The following PSD3 variants were observed in gnomAD, a reference collection of about 807,000 sequenced individuals.
PSD3 encodes the protein PH and SEC7 domain-containing protein 3.
In PSD3, 49 loss-of-function variants were observed where a neutral mutation model predicts 105.5. That is an observed-to-expected ratio of 0.46 (90% CI 0.37 to 0.59). PSD3 has a LOEUF of 0.59. Among genes scored for constraint, PSD3 ranks in the 20% least tolerant of loss-of-function variants. The pLI, the probability that PSD3 is intolerant of heterozygous loss-of-function variation, is 0.00. For synonymous variants in PSD3, 557 were observed against 457.8 expected (o/e 1.22, Z -2.77); for missense variants, 1,561 against 1,263.8 (o/e 1.24, Z -3.57).
chr8:18,730,606 T>G (rs1326778673), intron 9 of PSD3, among the ~76,000 whole-genome samples: 1 of 152,246 alleles, frequency 6.6e-6, no homozygotes, highest in Non-Finnish European at 1.5e-5. Context: ...AAGTATTTAT[T>G]GATCACTTTC....
chr8:18,881,965 T>C (rs946890650), intron 2 of PSD3, among the ~76,000 whole-genome samples: 3 of 152,278 alleles, frequency 2.0e-5, no homozygotes, highest in East Asian at 1.9e-4. Context: ...CCCAACCCTT[T>C]GGGAGCTTGA....
Position 18,996,501 on chromosome 8 carries a change from T to A in PSD3, c.21+17062A>T, listed in dbSNP as rs374272164. Among the ~76,000 whole-genome samples the A allele has an allele frequency of 2.0e-4, 30 of 152,052 alleles. 1 individual carries two copies. In the South Asian group the frequency reaches 6.3e-3, roughly 32 times the overall value. On this transcript the variant is annotated intron_variant, in intron 1 of 15. Coordinates refer to ENST00000327040, the MANE Select transcript of PSD3 (RefSeq NM_015310.4). ...GATAAGGACTTTATGTTGAAAAAAA[T>A]CAACAGCATTAACAAAAATTAGTGT...
At chr8:18,711,719 G>A (rs888751189) in intron 9 of PSD3, among the ~76,000 whole-genome samples, 8 of 152,110 alleles carry the variant, frequency 5.3e-5, no homozygotes, top group Admixed American at 4.6e-4. Flanking sequence ...CAGACAGATC[G>A]TCAAGAGAGA....
At chr8:18,730,800 T>C (rs1187383858) in intron 9 of PSD3, among the ~76,000 whole-genome samples, 1 of 152,096 alleles carries the variant, frequency 6.6e-6, no homozygotes, top group Non-Finnish European at 1.5e-5. Flanking sequence ...TTTTCAGAAA[T>C]TTAAGATATA....
At chr8:18,885,084 C>T (rs1391361888) in intron 2 of PSD3, among the ~76,000 whole-genome samples, 1 of 152,176 alleles carries the variant, frequency 6.6e-6, no homozygotes, top group Non-Finnish European at 1.5e-5. Context: ...GGGTTCTCCA[C>T]TCTTGTCTGC....
intron 10 of PSD3, among the ~76,000 whole-genome samples, chr8:18,646,387 A>T (rs1808035795): frequency 6.6e-6 from 1 of 152,156 alleles, no homozygotes; most frequent in East Asian, 1.9e-4. Flanking sequence ...GTAGTAAGTC[A>T]TTGCAAAAAA....
chr8:19,034,064 T>C (rs946355896), intron 1 of PSD3, among the ~76,000 whole-genome samples: 1 of 152,138 alleles, frequency 6.6e-6, no homozygotes, highest in Non-Finnish European at 1.5e-5. Flanking sequence ...GCCACAGACT[T>C]AGGAAAGCTA....
At chr8:19,031,026 G>T (rs1024591779) in intron 1 of PSD3, among the ~76,000 whole-genome samples, 2 of 152,150 alleles carry the variant, frequency 1.3e-5, no homozygotes, top group Non-Finnish European at 2.9e-5. Flanking sequence ...CAGTCTGATT[G>T]TATCTATGTG....
At chr8:18,974,958 T>C (rs1422980624) in intron 1 of PSD3, among the ~76,000 whole-genome samples, 6 of 152,154 alleles carry the variant, frequency 3.9e-5, no homozygotes, top group South Asian at 2.1e-4. Flanking sequence ...GCAGTTACCA[T>C]GCACTGTTGC....
At chr8:18,691,259 C>T (rs1313783347) in intron 9 of PSD3, among the ~76,000 whole-genome samples, 2 of 152,148 alleles carry the variant, frequency 1.3e-5, no homozygotes, top group South Asian at 2.1e-4. Context: ...ATTTTTTCCC[C>T]CTCATGAACA....
chr8:19,054,105 C>T (rs1236238614), intron 1 of PSD3, among the ~76,000 whole-genome samples: 3 of 152,224 alleles, frequency 2.0e-5, no homozygotes, highest in Non-Finnish European at 4.4e-5. Context: ...AACTCCCCTT[C>T]ATGGGATCCT....
chr8:19,034,132 C>A (rs568198051), intron 1 of PSD3, among the ~76,000 whole-genome samples: 1 of 152,260 alleles, frequency 6.6e-6, no homozygotes, highest in African/African-American at 2.4e-5. Flanking sequence ...GAAAACCTGG[C>A]AGAGACTGGG....
chr8:18,945,468 A>G (rs772054786), intron 1 of PSD3, among the ~76,000 whole-genome samples: 4 of 152,216 alleles, frequency 2.6e-5, no homozygotes, highest in Non-Finnish European at 4.4e-5. Flanking sequence ...GCAAAGAAAC[A>G]GATTATCCTC....
At chr8:18,789,770 AG>A (rs1319152923) in intron 8 of PSD3, among the ~76,000 whole-genome samples, 1 of 152,230 alleles carries the variant, frequency 6.6e-6, no homozygotes, top group East Asian at 1.9e-4. Context: ...AACAAGAGTC[AG>A]GGGTTTCAGC....
intron 1 of PSD3, among the ~76,000 whole-genome samples, chr8:18,970,098 G>A (rs1159879396): frequency 6.6e-6 from 1 of 151,614 alleles, no homozygotes; most frequent in Non-Finnish European, 1.5e-5. Context: ...GGCCAAGTTG[G>A]GCGGATCACG....
At chr8:18,726,284 G>A (rs1002263150) in intron 9 of PSD3, among the ~76,000 whole-genome samples, 11 of 152,320 alleles carry the variant, frequency 7.2e-5, no homozygotes, top group African/African-American at 2.6e-4. Context: ...CAAGTAATAA[G>A]CAGCCAGAGA....
At chr8:18,947,791 C>T (rs1288372140) in intron 1 of PSD3, among the ~76,000 whole-genome samples, 1 of 152,122 alleles carries the variant, frequency 6.6e-6, no homozygotes, top group Non-Finnish European at 1.5e-5. Context: ...TTCATAATAC[C>T]CGAGGGCTTC....
intron 9 of PSD3, among the ~76,000 whole-genome samples, chr8:18,695,571 C>T (rs1266951923): frequency 2.6e-5 from 4 of 152,134 alleles, no homozygotes; most frequent in African/African-American, 9.7e-5. Flanking sequence ...AATATTTACA[C>T]AAGATATTAG....
At chr8:18,774,229 CAG>C (rs983389886) in intron 8 of PSD3, among the ~76,000 whole-genome samples, 2 of 152,066 alleles carry the variant, frequency 1.3e-5, no homozygotes, top group African/African-American at 4.8e-5. Context: ...TACATATAAA[CAG>C]AGTTTTTAAA....
Sources: gnomAD v4.1 joint callset for allele counts (sites outside exome capture counted in the v4.1 genomes callset) on GRCh38, gnomAD v4.1.1 for gene constraint, MANE v1.5 for transcripts, NCBI Gene and HGNC (gene_info 2026-07-23, HGNC 2026-07-21) for gene names.